The following DCDC2C variants were observed in gnomAD, a reference collection of about 807,000 sequenced individuals.
The protein encoded by DCDC2C is doublecortin domain-containing protein 2C.
DCDC2C carries 44 observed loss-of-function variants against 45.0 expected under a neutral mutation model. That is an observed-to-expected ratio of 0.98 (90% CI 0.77 to 1.26). DCDC2C has a LOEUF of 1.26. Ranked by LOEUF, DCDC2C falls within the 50% of genes most tolerant of loss-of-function variation. The pLI is 0.00. For synonymous variants in DCDC2C, 187 were observed against 178.8 expected, an observed-to-expected ratio of 1.05 and a Z score of -0.37; for missense variants, 447 against 468.9, an observed-to-expected ratio of 0.95 and a Z score of 0.43.
chr2:3,824,436 G>T (rs1482318577), intron 10 of DCDC2C, among the ~76,000 whole-genome samples: 2 of 152,190 alleles, frequency 1.3e-5, no homozygotes, highest in African/African-American at 2.4e-5. Context: ...GAAAACAGAT[G>T]GTGGGCTGGA....
At chr2:3,739,846 C>T (rs1669151427) in intron 3 of DCDC2C, among the ~76,000 whole-genome samples, 1 of 152,236 alleles carries the variant, frequency 6.6e-6, no homozygotes, top group African/African-American at 2.4e-5. Context: ...ACTCAAAGAG[C>T]AGCCTGTAAC....
At position 3,785,044 on chromosome 2, in the gene DCDC2C, GT is replaced by G. The variant is rs1425720122; in HGVS notation, c.1024-9del. The stretch of plus-strand genomic sequence containing the variant: ...CTTGCGATAGTTGATTCCTATATTT[GT>G]TTTTTCATACTAGGATAAAGAAGAT... On this transcript the variant is annotated splice_polypyrimidine_tract_variant and intron_variant, in intron 9 of 10. Transcript: ENST00000399143. 8.1e-7 allele frequency: 1 copy of G among 1,230,858 alleles called. No individual in the cohort carries two copies. The highest frequency in any genetic ancestry group is 3.2e-5 in the East Asian group (1 of 31,712). The allele number at this position is 1,230,858 out of a possible 1,614,324, so 76.2% of individuals were successfully genotyped here.
At chr2:3,780,962 A>T (rs1467042487) in intron 9 of DCDC2C, among the ~76,000 whole-genome samples, 2 of 152,196 alleles carry the variant, frequency 1.3e-5, no homozygotes, top group African/African-American at 4.8e-5. Context: ...TGTCCCTCGT[A>T]GATACCGTTG....
intron 10 of DCDC2C, among the ~76,000 whole-genome samples, chr2:3,839,719 C>T (rs924915772): frequency 2.6e-5 from 4 of 152,224 alleles, no homozygotes; most frequent in East Asian, 1.9e-4. Flanking sequence ...GACGGCTTCT[C>T]GAATTCCTCC....
rs535396277 is a variant in DCDC2C, at chr2:3,774,868, C to T, written c.955-3948C>T. Among the ~76,000 whole-genome samples the T allele has an allele frequency of 1.4e-3, 208 of 151,888 alleles. 1 individual carries two copies. Among genetic ancestry groups the T allele is most frequent in the African/African-American group, 4.7e-3 (194 of 41,422 alleles). ...TGCAACCTCTGCCTCCCAGTTCAAG[C>T]GATTCTCCTGCCTCAGCCTCCCAAG... On this transcript the variant is annotated intron_variant, in intron 8 of 10. Coordinates refer to ENST00000399143, the MANE Select transcript of DCDC2C (RefSeq NM_001287444.2).
intron 3 of DCDC2C, among the ~76,000 whole-genome samples, chr2:3,740,945 C>T (rs1669187391): frequency 6.6e-6 from 1 of 151,974 alleles, no homozygotes; most frequent in African/African-American, 2.4e-5. Context: ...CAAAGTTGAG[C>T]TTATATATTG....
At chr2:3,737,851 ATTTAAAATG>A (rs1053159584) in intron 3 of DCDC2C, among the ~76,000 whole-genome samples, 2 of 152,216 alleles carry the variant, frequency 1.3e-5, no homozygotes, top group Admixed American at 6.5e-5. Flanking sequence ...AATATTTTCT[ATTTAAAATG>A]TTTAAAATGT....
chr2:3,796,741 C>G (rs1206571395), intron 10 of DCDC2C, among the ~76,000 whole-genome samples: 1 of 142,524 alleles, frequency 7.0e-6, no homozygotes, highest in Admixed American at 7.1e-5. Context: ...GGTGGATAAG[C>G]TTTTTGATGT....
intron 10 of DCDC2C, among the ~76,000 whole-genome samples, chr2:3,804,061 A>G (rs78685341): frequency 0.1 from 15,194 of 152,286 alleles, 1,030 homozygotes; most frequent in East Asian, 0.3. Context: ...AATTGGAGGT[A>G]TGTGTTTACA....
chr2:3,710,659 A>G (rs567318989), intron 2 of DCDC2C, among the ~76,000 whole-genome samples: 8 of 152,178 alleles, frequency 5.3e-5, no homozygotes, highest in Non-Finnish European at 1.2e-4. Flanking sequence ...AGTAGTATCC[A>G]GTGACTACTG....
chr2:3,712,607 G>C (rs1235149717), intron 2 of DCDC2C, among the ~76,000 whole-genome samples: 3 of 152,172 alleles, frequency 2.0e-5, no homozygotes, highest in Non-Finnish European at 2.9e-5. Context: ...CTGCACTCCA[G>C]CCTGAGCAAC....
intron 8 of DCDC2C, among the ~76,000 whole-genome samples, chr2:3,778,141 C>T (rs542180981): frequency 9.2e-5 from 14 of 151,548 alleles, no homozygotes; most frequent in Non-Finnish European, 1.8e-4. Context: ...CAGGAGGCGC[C>T]GGGGCCTCCA....
In DCDC2C at chr2:3,734,011, T is replaced by A. The variant is rs954751874; in HGVS notation, c.416+6932T>A. Among the ~76,000 whole-genome samples the A allele has an allele frequency of 6.6e-6, 1 of 152,242 alleles. No individual in the cohort carries two copies. Among genetic ancestry groups the A allele is most frequent in the Non-Finnish European group, 1.5e-5 (1 of 68,036 alleles). ...TCCCAAGTGTCATCTGATTTCTTTA[T>A]GCCGTATCCCTCAGTTTTAATAAGA... On this transcript the variant is annotated intron_variant, in intron 3 of 10. Transcript: ENST00000399143. This position sits in a 1 kb window ranked among gnomAD's most constrained non-coding sequence, Gnocchi z 4.2.
At chr2:3,773,437 G>A (rs1670240863) in intron 8 of DCDC2C, among the ~76,000 whole-genome samples, 1 of 152,148 alleles carries the variant, frequency 6.6e-6, no homozygotes, top group South Asian at 2.1e-4. Context: ...TGCATGGCCT[G>A]TGTGCCTGCT....
chr2:3,782,811 C>G (rs1489839802), intron 9 of DCDC2C, among the ~76,000 whole-genome samples: 2 of 152,184 alleles, frequency 1.3e-5, no homozygotes, highest in African/African-American at 4.8e-5. Context: ...TTTGTTTGGA[C>G]TCATTGGTTC....
rs1667952821 is a variant in DCDC2C at position 3,703,991 on chromosome 2, G to C, written c.240G>C (p.Ala80=). 1 of 1,294,596 alleles carries C rather than the reference G, an allele frequency of 7.7e-7. No individual in the cohort carries two copies. Among genetic ancestry groups the C allele is most frequent in the Admixed American group, 4.2e-5 (1 of 23,984 alleles). 80.2% of individuals were successfully genotyped at this position (1,294,596 alleles called of 1,614,324 possible). A position where few individuals can be genotyped will look rare whatever the true frequency, so the allele number is the denominator to read the frequency against. ...HRVLGLDALQ[A]GGKYVAAGRE... ...TGCTGGGGCTGGACGCGCTGCAGGC[G>C]GGCGGCAAGTACGTGGCGGCGGGCC... Residue 80 remains alanine (A), a synonymous_variant, in exon 1 of 11, where the codon GCG becomes GCC. Coordinates refer to ENST00000399143, the MANE Select transcript of DCDC2C (RefSeq NM_001287444.2). The surrounding 1 kb of genome is among the most constrained non-coding windows in gnomAD (Gnocchi z 4.4).
chr2:3,766,299 TACAC>T (rs897527975), intron 6 of DCDC2C, among the ~76,000 whole-genome samples: 2 of 146,600 alleles, frequency 1.4e-5, no homozygotes, highest in East Asian at 4.3e-4. Flanking sequence ...TACATACACA[TACAC>T]ACACACGCAC....
chr2:3,832,618 C>T (rs1041896179), intron 10 of DCDC2C, among the ~76,000 whole-genome samples: 2 of 152,202 alleles, frequency 1.3e-5, no homozygotes, highest in Non-Finnish European at 2.9e-5. Context: ...TTTTATGTTC[C>T]GCTTGAGTCT....
intron 10 of DCDC2C, among the ~76,000 whole-genome samples, chr2:3,800,103 A>C (rs1671076634): frequency 6.6e-6 from 1 of 152,188 alleles, no homozygotes; most frequent in Non-Finnish European, 1.5e-5. Flanking sequence ...GGAAAAGCGC[A>C]GTATTCGGGT....
Sources: allele counts gnomAD v4.1 joint callset (sites outside exome capture counted in the v4.1 genomes callset), GRCh38; gene constraint gnomAD v4.1.1; non-coding constraint Gnocchi (gnomAD v3.1); transcripts MANE v1.5; gene names NCBI Gene and HGNC (gene_info 2026-07-23, HGNC 2026-07-21).